Variants in ASB15 observed in about 807,000 individuals in gnomAD.
ASB15 encodes the protein ankyrin repeat and SOCS box containing 15.
Under a neutral mutation model 58.0 loss-of-function variants are expected in ASB15, and 54 were observed. The observed-to-expected ratio is 0.93, with a 90% confidence interval of 0.75 to 1.17. ASB15 has a LOEUF of 1.17. Ranked by LOEUF, ASB15 falls within the 50% of genes most tolerant of loss-of-function variation. ASB15 has a pLI of 0.00. For synonymous variants in ASB15, 249 were observed against 262.4 expected (o/e 0.95, Z 0.50); for missense variants, 680 against 707.4 (o/e 0.96, Z 0.44).
Position 123,617,648 on chromosome 7 carries a change from C to A in ASB15, c.362C>A (p.Ala121Asp), listed in dbSNP as rs765141636. 25 of 1,610,654 alleles carry A rather than the reference C, an allele frequency of 1.6e-5. No individual in the cohort carries two copies. The East Asian group carries it at 5.4e-4, about 34-fold the overall frequency. ...ACACCCTTGACTTTGGCAGTCAAAGCTGGTCTGGTGGAAAATGTAAGAACT... is the reference window on the plus strand; with the variant it reads ...ACACCCTTGACTTTGGCAGTCAAAGATGGTCTGGTGGAAAATGTAAGAACT... ...GETPLTLAVK[A>D]GLVENVRTLL... The change falls in exon 7 of 12, where the codon GCT becomes GAT. Residue 121 changes from alanine to aspartate, a missense_variant. Physicochemically the swap from Ala to Asp is moderately radical, Grantham distance 126. Transcript: ENST00000451215.
intron 2 of ASB15, among the ~76,000 whole-genome samples, chr7:123,605,795 G>C (rs1006903882): frequency 1.3e-5 from 2 of 152,064 alleles, no homozygotes; most frequent in Non-Finnish European, 2.9e-5. Context: ...ACTAAACTGT[G>C]AGTACATACG....
Position 123,629,059 on chromosome 7 carries a change from T to A in ASB15, c.1065T>A (p.Tyr355Ter). The A allele has an allele frequency of 6.2e-7, 1 of 1,613,772 alleles. No individual in the cohort carries two copies. Among genetic ancestry groups the A allele is most frequent in the East Asian group, 2.2e-5 (1 of 44,876 alleles). ...ACGATGAGAGGAAGACTGCGCTGTA[T>A]TTTGGCGTTTCTAATAATGACGTTC... The part of the protein sequence containing the change: ...SYDDERKTAL[Y>*]FGVSNNDVHC... Residue 355 changes from tyrosine to a stop codon, truncating the protein, a stop_gained, in exon 10 of 12, where the codon TAT becomes TAA. Coordinates refer to ENST00000451215, the MANE Select transcript of ASB15 (RefSeq NM_001290258.2). LOFTEE classifies it high-confidence loss of function.
chr7:123,594,949 G>A (rs1255211957), intron 1 of ASB15, among the ~76,000 whole-genome samples: 3 of 152,272 alleles, frequency 2.0e-5, no homozygotes, highest in East Asian at 1.9e-4. Context: ...CACCCAGTTC[G>A]AGCTTCCCTG....
chr7:123,620,507 CATATAT>C (rs1395766241), intron 7 of ASB15, among the ~76,000 whole-genome samples: 638 of 29,568 alleles, frequency 0.022, 9 homozygotes, highest in African/African-American at 0.029. Context: ...CATATACATA[CATATAT>C]ATATATATAT....
rs188819276 is a variant in ASB15 at position 123,572,659 on chromosome 7, G to A, written c.-443+5571G>A. 5.5e-5 allele frequency among the ~76,000 whole-genome samples: 8 copies of A among 145,414 alleles called. No individual in the cohort carries two copies. In the East Asian group the frequency reaches 1.2e-3, roughly 22 times the overall value. ...GGTATGTCTGATATTATTACCCCAC[G>A]GTTTTTTGTTTTTGTTAAACATTTT... On this transcript the variant is annotated intron_variant, in intron 1 of 13. Transcript: ENST00000451558.
intron 10 of ASB15, 106 bp from the exon 11 acceptor site, chr7:123,629,860 T>C (rs1365283408): frequency 3.5e-6 from 3 of 850,784 alleles, no homozygotes; most frequent in Non-Finnish European, 3.5e-6. Context: ...AGGAGAGATC[T>C]TTTATTTTCT....
chr7:123,590,475 A>T (rs535593076), intron 1 of ASB15, among the ~76,000 whole-genome samples: 1 of 152,282 alleles, frequency 6.6e-6, no homozygotes, highest in East Asian at 1.9e-4. Flanking sequence ...TAAGTCTTTA[A>T]TCCATCTTGA....
At chr7:123,627,926 G>A (rs777571031) in intron 9 of ASB15, among the ~76,000 whole-genome samples, 18 of 152,190 alleles carry the variant, frequency 1.2e-4, no homozygotes, top group Non-Finnish European at 1.9e-4. Context: ...GGGCTTTATA[G>A]TTTTCAGTGG....
chr7:123,599,736 A>G (rs1286472842), upstream of ASB15, among the ~76,000 whole-genome samples: 2 of 152,204 alleles, frequency 1.3e-5, no homozygotes, highest in African/African-American at 2.4e-5. Flanking sequence ...TATAATTATC[A>G]TTTTGAAACA....
At chr7:123,584,762 T>C (rs975884433) in intron 1 of ASB15, 5 of 151,932 alleles carry the variant, frequency 3.3e-5, no homozygotes, top group African/African-American at 9.7e-5. Flanking sequence ...TCACAAACTA[T>C]TGAAGAATAA....
chr7:123,589,708 T>A (rs541284596), intron 1 of ASB15, among the ~76,000 whole-genome samples: 2 of 152,278 alleles, frequency 1.3e-5, no homozygotes, highest in South Asian at 2.1e-4. Flanking sequence ...ATTTTCTTTA[T>A]CCAGTCTAAT....
intron 1 of ASB15, among the ~76,000 whole-genome samples, chr7:123,575,175 A>C (rs1799031171): frequency 6.6e-6 from 1 of 151,806 alleles, no homozygotes; most frequent in Non-Finnish European, 1.5e-5. Context: ...TTAAGGATTA[A>C]CATTATATTT....
chr7:123,599,907 C>T (rs1046151029), upstream of ASB15, among the ~76,000 whole-genome samples: 9 of 152,154 alleles, frequency 5.9e-5, no homozygotes, highest in African/African-American at 1.9e-4. Flanking sequence ...AAACTAGAGG[C>T]ACTGTTTGAA....
intron 1 of ASB15, chr7:123,567,098 A>C (rs1408242401): frequency 1.3e-5 from 2 of 152,206 alleles, no homozygotes; most frequent in Non-Finnish European, 2.9e-5. Flanking sequence ...GGTACTGCAT[A>C]ATTAAGTTTC....
chr7:123,579,483 C>T lies in ASB15; in HGVS notation c.-443+12395C>T, dbSNP rs375213249. Among the ~76,000 whole-genome samples the T allele has an allele frequency of 5.3e-5, 8 of 152,056 alleles. No individual in the cohort carries two copies. In the East Asian group the frequency reaches 7.7e-4, roughly 15 times the overall value. On this transcript the variant is annotated intron_variant, in intron 1 of 13. Coordinates refer to the ASB15 transcript ENST00000451558. The stretch of plus-strand genomic sequence containing the variant: ...CCAGTTCACTTCCATGCAAAGTAAA[C>T]TCTCTATAAATAGTCTCAAAAATAC...
chr7:123,623,328 G>GA (rs1034543954), intron 7 of ASB15, among the ~76,000 whole-genome samples: 113 of 151,844 alleles, frequency 7.4e-4, no homozygotes, highest in African/African-American at 2.5e-3. Context: ...TACTTAAAAG[G>GA]AAAAAAAAGT....
chr7:123,624,811 A>C lies in ASB15; in HGVS notation c.694A>C (p.Lys232Gln). The change falls in exon 8 of 12, where the codon AAA becomes CAA. Residue 232 changes from lysine (K) to glutamine (Q), a missense_variant. Coordinates refer to ENST00000451215, the MANE Select transcript of ASB15 (RefSeq NM_001290258.2). ...TGACGTGTTAGAACATCTAATCCAC[A>C]AAGGTATGTGAAAAGGAGTTACACT... ...HCDVLEHLIH[K>Q]GGDVLALADD... 1 of 1,613,540 alleles carries C rather than the reference A, an allele frequency of 6.2e-7. No individual in the cohort carries two copies. The highest frequency in any genetic ancestry group is 8.5e-7 in the Non-Finnish European group (1 of 1,179,706).
At chr7:123,614,311 G>T in intron 3 of ASB15, 190 bp from the exon 4 acceptor site, 2 of 503,760 alleles carry the variant, frequency 4.0e-6, no homozygotes, top group Non-Finnish European at 6.9e-6. Context: ...TCAACAGTTA[G>T]ACCATTTAAG....
chr7:123,606,837 C>T (rs79238817), intron 2 of ASB15, among the ~76,000 whole-genome samples: 2,571 of 152,238 alleles, frequency 0.017, 76 homozygotes, highest in African/African-American at 0.058. Context: ...ACATTTTCTT[C>T]ATTTATTCAT....
Sources: allele counts gnomAD v4.1 joint callset (sites outside exome capture counted in the v4.1 genomes callset), GRCh38; gene constraint gnomAD v4.1.1; transcripts MANE v1.5; gene names NCBI Gene and HGNC (gene_info 2026-07-23, HGNC 2026-07-21).